CNTNAP2: variants seen among roughly 807,000 people sequenced by gnomAD.
CNTNAP2 encodes the protein contactin-associated protein-like 2.
In CNTNAP2, 98 loss-of-function variants were observed where a neutral mutation model predicts 155.2. The observed-to-expected ratio is 0.63, with a 90% CI of 0.54 to 0.75. The LOEUF is 0.75. CNTNAP2 is among the 30% of genes least tolerant of loss of function. CNTNAP2 has a pLI of 0.00. For synonymous variants in CNTNAP2, 651 were observed against 631.2 expected, an observed-to-expected ratio of 1.03 and a Z score of -0.47; for missense variants, 1,727 against 1,688.1, an observed-to-expected ratio of 1.02 and a Z score of -0.40.
chr7:146,141,151 A>G (rs555933184), intron 1 of CNTNAP2, among the ~76,000 whole-genome samples: 1 of 152,340 alleles, frequency 6.6e-6, no homozygotes, highest in African/African-American at 2.4e-5. Flanking sequence ...CATTTCAGAA[A>G]GTCACAGATA....
intron 3 of CNTNAP2, among the ~76,000 whole-genome samples, chr7:147,032,460 A>G (rs375413192): frequency 1.4e-4 from 21 of 152,296 alleles, no homozygotes; most frequent in East Asian, 7.7e-4. Flanking sequence ...GTTCATTCCT[A>G]TATGTTTGTC....
At chr7:146,352,589 G>A (rs1043945237) in intron 1 of CNTNAP2, among the ~76,000 whole-genome samples, 24 of 151,098 alleles carry the variant, frequency 1.6e-4, no homozygotes, top group African/African-American at 4.1e-4. Context: ...ATCATTAATC[G>A]GCCCATGGCT....
chr7:147,386,817 G>A (rs993401491), intron 9 of CNTNAP2, among the ~76,000 whole-genome samples: 1 of 152,050 alleles, frequency 6.6e-6, no homozygotes. Flanking sequence ...CACTCTACTG[G>A]TACCAGTTTA....
intron 9 of CNTNAP2, among the ~76,000 whole-genome samples, chr7:147,363,558 GA>G (rs1796179170): frequency 6.6e-6 from 1 of 151,988 alleles, no homozygotes; most frequent in South Asian, 2.1e-4. Context: ...TCTTTATTCT[GA>G]TCATACCTCA....
At chr7:146,275,294 A>G (rs1409698876) in intron 1 of CNTNAP2, among the ~76,000 whole-genome samples, 1 of 152,182 alleles carries the variant, frequency 6.6e-6, no homozygotes, top group Admixed American at 6.5e-5. Flanking sequence ...CTTTTTAAAA[A>G]TGTTAAAAAA....
chr7:146,463,576 A>G (rs1172937043), intron 1 of CNTNAP2, among the ~76,000 whole-genome samples: 4 of 152,132 alleles, frequency 2.6e-5, no homozygotes, highest in African/African-American at 4.8e-5. Flanking sequence ...ATATACGTAC[A>G]TATATACATA....
intron 3 of CNTNAP2, among the ~76,000 whole-genome samples, chr7:146,872,158 T>C (rs963122639): frequency 7.3e-6 from 1 of 136,106 alleles, no homozygotes; most frequent in African/African-American, 2.7e-5. Context: ...AGTTAAATTA[T>C]TGAATTTTTT....
At chr7:147,011,946 G>T (rs1206323713) in intron 3 of CNTNAP2, among the ~76,000 whole-genome samples, 2 of 152,206 alleles carry the variant, frequency 1.3e-5, no homozygotes, top group African/African-American at 4.8e-5. Context: ...AATTAGACCA[G>T]ATCCTTTTGT....
At chr7:146,437,562 A>G (rs1255847159) in intron 1 of CNTNAP2, among the ~76,000 whole-genome samples, 3 of 151,498 alleles carry the variant, frequency 2.0e-5, no homozygotes, top group Non-Finnish European at 2.9e-5. Flanking sequence ...TTGCTCAAAA[A>G]TCCTTCTCAT....
chr7:146,795,163 G>C (rs1802746802), intron 2 of CNTNAP2, among the ~76,000 whole-genome samples: 1 of 152,122 alleles, frequency 6.6e-6, no homozygotes, highest in South Asian at 2.1e-4. Context: ...ATGATAAAGA[G>C]CAATCTCTAC....
intron 1 of CNTNAP2, among the ~76,000 whole-genome samples, chr7:146,564,500 A>C (rs1031399147): frequency 1.3e-5 from 2 of 149,416 alleles, no homozygotes; most frequent in African/African-American, 2.4e-5. Context: ...ATAATTATAT[A>C]TTAGAGTTGT....
chr7:146,858,243 T>C (rs928105085), intron 3 of CNTNAP2, among the ~76,000 whole-genome samples: 2 of 152,196 alleles, frequency 1.3e-5, no homozygotes, highest in Non-Finnish European at 2.9e-5. Context: ...AAATATGATA[T>C]ACAGATTCTC....
intron 9 of CNTNAP2, among the ~76,000 whole-genome samples, chr7:147,324,228 C>T (rs1443772909): frequency 6.6e-6 from 1 of 151,966 alleles, no homozygotes; most frequent in Non-Finnish European, 1.5e-5. Flanking sequence ...TTTGTTTATC[C>T]CAGTACACTA....
chr7:147,553,841 C>T (rs185262542), intron 11 of CNTNAP2, among the ~76,000 whole-genome samples: 39 of 152,176 alleles, frequency 2.6e-4, no homozygotes, highest in Admixed American at 1.8e-3. Flanking sequence ...CATGCTGGCG[C>T]GTGCCTGTAA....
chr7:147,990,343 G>T lies in CNTNAP2; in HGVS notation c.2383+12354G>T, dbSNP rs1017027151. ...TTATTTTGGAGAACAAACCTAAGAGGGGCTTCTGGCTGATTTCAGTCAAGA... is the reference window on the plus strand; with the variant it reads ...TTATTTTGGAGAACAAACCTAAGAGTGGCTTCTGGCTGATTTCAGTCAAGA... On this transcript the variant is annotated intron_variant, in intron 15 of 23. Coordinates refer to ENST00000361727, the MANE Select transcript of CNTNAP2 (RefSeq NM_014141.6). Among the ~76,000 whole-genome samples the T allele has an allele frequency of 2.0e-5, 3 of 152,080 alleles. No homozygotes were observed. In the South Asian group the frequency reaches 6.2e-4, roughly 32 times the overall value.
intron 1 of CNTNAP2, among the ~76,000 whole-genome samples, chr7:146,769,624 A>G (rs182404714): frequency 2.0e-5 from 3 of 152,154 alleles, no homozygotes; most frequent in African/African-American, 7.2e-5. Flanking sequence ...TAATTTCTTC[A>G]GATTCTATTC....
intron 14 of CNTNAP2, among the ~76,000 whole-genome samples, chr7:147,972,711 CAG>C (rs1239510235): frequency 1.3e-5 from 2 of 152,180 alleles, no homozygotes; most frequent in African/African-American, 2.4e-5. Context: ...AGCCCACTAA[CAG>C]ATATAATTAG....
chr7:146,586,119 T>C (rs1053687384), intron 1 of CNTNAP2, among the ~76,000 whole-genome samples: 2 of 152,186 alleles, frequency 1.3e-5, no homozygotes, highest in African/African-American at 4.8e-5. Context: ...CTTTAATAAA[T>C]ATATATTGAA....
intron 15 of CNTNAP2, among the ~76,000 whole-genome samples, chr7:148,040,498 A>G (rs1802651345): frequency 6.6e-6 from 1 of 152,232 alleles, no homozygotes; most frequent in African/African-American, 2.4e-5. Context: ...AATGTCGGTC[A>G]CAATCAAGAA....
Sources: allele counts gnomAD v4.1 joint callset (sites outside exome capture counted in the v4.1 genomes callset), GRCh38; gene constraint gnomAD v4.1.1; transcripts MANE v1.5; gene names NCBI Gene and HGNC (gene_info 2026-07-23, HGNC 2026-07-21).